The following LINGO2 variants were observed in gnomAD, a reference collection of about 807,000 sequenced individuals.
LINGO2 encodes the protein leucine rich repeat and Ig domain containing 2, also known as leucine-rich repeat and immunoglobulin-like domain-containing nogo receptor-interacting protein 2.
In LINGO2, 14 loss-of-function variants were observed where a neutral mutation model predicts 30.6. The observed-to-expected ratio is 0.46, with a 90% CI of 0.30 to 0.72. LINGO2 has a LOEUF of 0.72. Ranked by LOEUF, LINGO2 falls within the 30% of genes least tolerant of loss-of-function variation. The pLI, the probability that LINGO2 is intolerant of heterozygous loss-of-function variation, is 0.07. For missense variants in LINGO2, 729 were observed against 751.7 expected, an observed-to-expected ratio of 0.97 and a Z score of 0.35; for synonymous variants, 317 against 288.5, an observed-to-expected ratio of 1.10 and a Z score of -1.00.
At chr9:28,903,858 A>G in the LINGO2 span, among the ~76,000 whole-genome samples, 4 of 152,102 alleles carry the variant, frequency 2.6e-5, no homozygotes, top group Non-Finnish European at 5.9e-5. Flanking sequence ...AATACTTCAA[A>G]ATTCATCCAA....
chr9:29,115,355 T>C, the LINGO2 span, among the ~76,000 whole-genome samples: 1 of 152,088 alleles, frequency 6.6e-6, no homozygotes, highest in South Asian at 2.1e-4. Context: ...GGTAATGATC[T>C]TCCTACATTT....
chr9:28,330,942 A>G (rs1342246032), intron 3 of LINGO2, among the ~76,000 whole-genome samples: 1 of 152,180 alleles, frequency 6.6e-6, no homozygotes, highest in Admixed American at 6.5e-5. Flanking sequence ...AAGATCTGGT[A>G]GGATACTGTT....
At chr9:28,093,618 C>T (rs914690064) in intron 4 of LINGO2, among the ~76,000 whole-genome samples, 4 of 151,870 alleles carry the variant, frequency 2.6e-5, no homozygotes, top group Admixed American at 2.0e-4. Flanking sequence ...CCTTTTTAAC[C>T]GTCAAGAAAC....
intron 2 of LINGO2, among the ~76,000 whole-genome samples, chr9:28,430,073 G>A (rs1262726017): frequency 6.6e-6 from 1 of 151,032 alleles, no homozygotes; most frequent in African/African-American, 2.4e-5. Flanking sequence ...TGGGGAGTCA[G>A]GGAGAGGGAG....
chr9:28,426,178 G>A (rs905952400), intron 2 of LINGO2, among the ~76,000 whole-genome samples: 19 of 151,824 alleles, frequency 1.3e-4, no homozygotes, highest in African/African-American at 4.4e-4. Flanking sequence ...ACAATACAAC[G>A]ACAATAATTT....
chr9:28,832,698 CA>C, the LINGO2 span, among the ~76,000 whole-genome samples: 2 of 152,024 alleles, frequency 1.3e-5, no homozygotes, highest in Non-Finnish European at 2.9e-5. Flanking sequence ...AAAAGGAAAA[CA>C]AAATACCAGT....
chr9:27,999,276 T>C (rs1356439174), intron 5 of LINGO2, among the ~76,000 whole-genome samples: 1 of 151,962 alleles, frequency 6.6e-6, no homozygotes, highest in Non-Finnish European at 1.5e-5. Flanking sequence ...TCAGAAAGCA[T>C]CAACCACAAA....
chr9:28,550,932 A>C (rs17832109), intron 1 of LINGO2, among the ~76,000 whole-genome samples: 26,431 of 151,806 alleles, frequency 0.17, 3,003 homozygotes, highest in Admixed American at 0.3. Flanking sequence ...AGAATGATAA[A>C]TATCCAAATC....
the LINGO2 span, among the ~76,000 whole-genome samples, chr9:28,840,347 G>T: frequency 6.6e-6 from 1 of 151,872 alleles, no homozygotes; most frequent in Non-Finnish European, 1.5e-5. Flanking sequence ...CTCCAGTTGG[G>T]CCACTGCTGC....
At chr9:28,740,965 C>A in the LINGO2 span, among the ~76,000 whole-genome samples, 8 of 151,812 alleles carry the variant, frequency 5.3e-5, no homozygotes, top group Non-Finnish European at 7.4e-5. Context: ...GGGTTGTGAC[C>A]TTGACTTGGC....
At chr9:28,471,004 A>C (rs1243512558) in intron 2 of LINGO2, among the ~76,000 whole-genome samples, 2 of 150,272 alleles carry the variant, frequency 1.3e-5, no homozygotes, top group Non-Finnish European at 3.0e-5. Flanking sequence ...AGGAAATTAT[A>C]GGTTTTTTAA....
rs370242313 is a variant in LINGO2, at chr9:28,129,649, G to A, written c.-86-117244C>T. On this transcript the variant is annotated intron_variant, in intron 4 of 5. Coordinates refer to ENST00000379992, the Ensembl canonical transcript of LINGO2. The surrounding 1 kb of genome is among the most constrained non-coding windows in gnomAD (Gnocchi z 4.0). Reference sequence around the variant, plus strand: ...TCACCTGAACTAAGGCAGTAAGTGGGGGAGAAAATCTTTGAAAAATCCAAA... The same window carrying A: ...TCACCTGAACTAAGGCAGTAAGTGGAGGAGAAAATCTTTGAAAAATCCAAA... The A allele has an allele frequency of 5.3e-5, 8 of 152,144 alleles. No homozygotes were observed. The East Asian group carries it at 5.8e-4, about 11-fold the overall frequency. The allele number at this position is 152,144 out of a possible 1,614,324, so 9.4% of individuals were successfully genotyped here.
At chr9:28,185,352 C>G (rs1302513959) in intron 4 of LINGO2, among the ~76,000 whole-genome samples, 1 of 151,622 alleles carries the variant, frequency 6.6e-6, no homozygotes, top group Non-Finnish European at 1.5e-5. Context: ...CTTATAAATA[C>G]CATAACACTA....
At chr9:28,529,609 T>A (rs77790848) in intron 1 of LINGO2, among the ~76,000 whole-genome samples, 1 of 149,708 alleles carries the variant, frequency 6.7e-6, no homozygotes, top group Non-Finnish European at 1.5e-5. Context: ...GCAAATACTT[T>A]TTTTTTTTTT....
intron 5 of LINGO2, among the ~76,000 whole-genome samples, chr9:27,953,046 A>G (rs1301846321): frequency 6.6e-6 from 1 of 152,148 alleles, no homozygotes; most frequent in African/African-American, 2.4e-5. Context: ...CAATAAGTAT[A>G]TGAAAGGGTG....
the LINGO2 span, among the ~76,000 whole-genome samples, chr9:28,834,552 T>G: frequency 4.6e-5 from 7 of 152,172 alleles, no homozygotes; most frequent in Non-Finnish European, 1.0e-4. Flanking sequence ...AAGGTATCCA[T>G]CAACAATTAT....
the LINGO2 span, among the ~76,000 whole-genome samples, chr9:29,139,736 G>A: frequency 6.6e-6 from 1 of 152,062 alleles, no homozygotes; most frequent in African/African-American, 2.4e-5. Context: ...AGTACTATTG[G>A]AAGGAAACTC....
At chr9:28,048,098 A>AG (rs1465429626) in intron 4 of LINGO2, among the ~76,000 whole-genome samples, 1 of 150,926 alleles carries the variant, frequency 6.6e-6, no homozygotes, top group Non-Finnish European at 1.5e-5. Context: ...CACCTCAGTG[A>AG]GAAGGGGTAG....
intron 3 of LINGO2, among the ~76,000 whole-genome samples, chr9:28,305,778 C>T (rs1824324475): frequency 6.6e-6 from 1 of 151,938 alleles, no homozygotes; most frequent in Non-Finnish European, 1.5e-5. Flanking sequence ...GGTAAATTGA[C>T]ATCAACAATA....
Sources: gnomAD v4.1 joint callset for allele counts (sites outside exome capture counted in the v4.1 genomes callset) on GRCh38, gnomAD v4.1.1 for gene constraint, Gnocchi (gnomAD v3.1) non-coding constraint, MANE v1.5 for transcripts, NCBI Gene and HGNC (gene_info 2026-07-23, HGNC 2026-07-21) for gene names.